LMNA: variants seen among roughly 807,000 people sequenced by gnomAD.
LMNA encodes lamin.
Under a neutral mutation model 70.4 loss-of-function variants are expected in LMNA, and 20 were observed. The observed-to-expected ratio is 0.28, with a 90% CI of 0.20 to 0.41. LMNA has a LOEUF of 0.41. LMNA is among the 10% of genes least tolerant of loss of function. The probability of loss-of-function intolerance (pLI) is 1.00; values close to 1 mark genes in which losing one functional copy is unlikely to be tolerated. For synonymous variants in LMNA, 339 were observed against 372.8 expected (o/e 0.91, Z 1.04); for missense variants, 652 against 917.2 (o/e 0.71, Z 3.73).
At chr1:156,097,393 T>C (rs1351601891) in intron 3 of LMNA, among the ~76,000 whole-genome samples, 2 of 152,248 alleles carry the variant, frequency 1.3e-5, no homozygotes, top group African/African-American at 2.4e-5. Context: ...TGCCAGCTAC[T>C]GGCAGGGAAA....
chr1:156,109,861 T>A (rs1267721870), upstream of LMNA: 3 of 151,648 alleles, frequency 2.0e-5, no homozygotes, highest in Non-Finnish European at 4.4e-5. Context: ...TATGTAATTT[T>A]TTTTTTGAGA....
At chr1:156,129,779 C>CG (rs1442653580) in intron 1 of LMNA, 1 of 718,410 alleles carries the variant, frequency 1.4e-6, no homozygotes, top group African/African-American at 1.7e-5. Context: ...GCAGAGGCAG[C>CG]GCTGTTCGAC....
At chr1:156,124,259 T>C (rs1454707646) in intron 1 of LMNA, among the ~76,000 whole-genome samples, 1 of 151,878 alleles carries the variant, frequency 6.6e-6, no homozygotes, top group Non-Finnish European at 1.5e-5. Context: ...TCTAAGTCCC[T>C]GGAACAGCTG....
intron 2 of LMNA, among the ~76,000 whole-genome samples, chr1:156,086,393 ACT>A (rs55740793): frequency 0.21 from 30,434 of 146,276 alleles, 2,910 homozygotes; most frequent in Non-Finnish European, 0.23. Flanking sequence ...GTGACCTCTG[ACT>A]CTCTCTCTCT....
chr1:156,091,933 T>G (rs1341238356), intron 3 of LMNA, among the ~76,000 whole-genome samples: 19 of 152,076 alleles, frequency 1.2e-4, no homozygotes, highest in Admixed American at 1.2e-3. Context: ...TTTTTTTTTT[T>G]TGAGATGGAG....
intron 1 of LMNA, among the ~76,000 whole-genome samples, chr1:156,117,475 T>C (rs931355672): frequency 6.6e-6 from 1 of 152,102 alleles, no homozygotes; most frequent in Admixed American, 6.6e-5. Flanking sequence ...CCTCAAGTGA[T>C]CTGCCTGCCT....
Position 156,115,036 on chromosome 1 carries a change from G to C in LMNA, c.118G>C (p.Asp40His). Residue 40 changes from aspartate to histidine, a missense_variant, in exon 1 of 12, where the codon GAT becomes CAT. By Grantham distance (81) the Asp-to-His change is moderately conservative. Coordinates refer to ENST00000368300, the MANE Select transcript of LMNA (RefSeq NM_170707.4). This position sits in a 1 kb window ranked among gnomAD's most constrained non-coding sequence, Gnocchi z 5.8. ...GAAGGAGGACCTGCAGGAGCTCAAT[G>C]ATCGCTTGGCGGTCTACATCGACCG... ...QEKEDLQELNDRLAVYIDRVR... is the reference protein window; with the variant it reads ...QEKEDLQELNHRLAVYIDRVR... The C allele has an allele frequency of 1.3e-6, 2 of 1,598,890 alleles. No homozygotes were observed. The highest frequency in any genetic ancestry group is 1.7e-6 in the Non-Finnish European group (2 of 1,172,914).
intron 1 of LMNA, among the ~76,000 whole-genome samples, chr1:156,121,609 G>A (rs1464971848): frequency 6.6e-6 from 1 of 152,000 alleles, no homozygotes; most frequent in Non-Finnish European, 1.5e-5. Flanking sequence ...GCCCAGGACA[G>A]CTGGATGGAC....
At chr1:156,092,725 ACCATCTTAGTTC>A (rs1648754170) in intron 3 of LMNA, among the ~76,000 whole-genome samples, 3 of 150,522 alleles carry the variant, frequency 2.0e-5, no homozygotes, top group African/African-American at 7.3e-5. Context: ...TGATAAAAGC[ACCATCTTAGTTC>A]CCCGTTGCCA....
At position 156,137,545 on chromosome 1, in the gene LMNA, C is replaced by T. The variant is rs1224619771; in HGVS notation, c.1609-109C>T. 1.2e-5 allele frequency: 13 copies of T among 1,040,026 alleles called. No individual in the cohort carries two copies. The highest frequency in any genetic ancestry group is 1.6e-5 in the African/African-American group (1 of 63,472). The allele number at this position is 1,040,026 out of a possible 1,614,324, so 64.4% of individuals were successfully genotyped here. ...ACAGAGGACAGAGTAAGCAGCAGGC[C>T]GGACAAAGGGCAGGCCACAAGAAAA... On this transcript the variant is annotated intron_variant, in intron 9 of 11. Transcript: ENST00000368300. This position sits in a 1 kb window ranked among gnomAD's most constrained non-coding sequence, Gnocchi z 4.6.
intron 2 of LMNA, among the ~76,000 whole-genome samples, chr1:156,089,577 G>A (rs1171552417): frequency 6.8e-6 from 1 of 145,986 alleles, no homozygotes; most frequent in African/African-American, 2.5e-5. Flanking sequence ...TGGGCAGCAA[G>A]AGCCAAACTC....
intron 3 of LMNA, among the ~76,000 whole-genome samples, chr1:156,094,220 C>T (rs1648821171): frequency 6.6e-6 from 1 of 152,186 alleles, no homozygotes; most frequent in African/African-American, 2.4e-5. Flanking sequence ...GTCACATGCT[C>T]CTGGCCAGGC....
At chr1:156,129,722 G>A in intron 1 of LMNA, 1 of 645,328 alleles carries the variant, frequency 1.5e-6, no homozygotes, top group Non-Finnish European at 2.9e-6. Flanking sequence ...TATTTCTCCA[G>A]TCCACTAGCA....
chr1:156,137,174 A>C lies in LMNA; in HGVS notation c.1550A>C (p.Gln517Pro). ...CCTACCGACCTGGTGTGGAAGGCAC[A>C]GAACACCTGGGGCTGCGGGAACAGC... is the stretch of plus-strand genomic sequence containing the variant. ...SPPTDLVWKAQNTWGCGNSLR... is the reference protein window; with the variant it reads ...SPPTDLVWKAPNTWGCGNSLR... The change falls in exon 9 of 12, where the codon CAG becomes CCG. Residue 517 changes from glutamine (Q) to proline (P), a missense_variant. This residue lies in a region of LMNA where 327 missense variants were observed against 387.6 expected (regional missense o/e 0.84). Transcript: ENST00000368300. The surrounding 1 kb of genome is among the most constrained non-coding windows in gnomAD (Gnocchi z 4.6). 1 of 1,611,436 alleles carries C rather than the reference A, an allele frequency of 6.2e-7. No homozygotes were observed. The highest frequency in any genetic ancestry group is 8.5e-7 in the Non-Finnish European group (1 of 1,178,998).
intron 3 of LMNA, among the ~76,000 whole-genome samples, chr1:156,106,190 A>G (rs1021430236): frequency 2.0e-5 from 3 of 151,962 alleles, no homozygotes; most frequent in Admixed American, 6.5e-5. Context: ...CGGCAAACCC[A>G]GGGCAATTGC....
intron 2 of LMNA, among the ~76,000 whole-genome samples, chr1:156,133,120 G>A (rs189540495): frequency 7.5e-4 from 113 of 151,466 alleles, no homozygotes; most frequent in Non-Finnish European, 1.3e-3. Context: ...GATTACAGGC[G>A]TGAGCCACCA....
At position 156,137,740 on chromosome 1, in the gene LMNA, C is replaced by T. The variant is rs778618908; in HGVS notation, c.1695C>T (p.His565=). 4 of 1,550,192 alleles carry T rather than the reference C, an allele frequency of 2.6e-6. No homozygotes were observed. The South Asian group carries it at 3.6e-5, about 14-fold the overall frequency. ...DEDGDDLLHH[H]HGSHCSSSGD... Reference sequence around the variant, plus strand: ...ATGGAGATGACCTGCTCCATCACCACCACGTGAGTGGTAGCCGCCGCTGAG... The same window carrying T: ...ATGGAGATGACCTGCTCCATCACCATCACGTGAGTGGTAGCCGCCGCTGAG... Residue 565 remains histidine (H), a synonymous_variant, in exon 10 of 12, where the codon CAC becomes CAT. Coordinates refer to ENST00000368300, the MANE Select transcript of LMNA (RefSeq NM_170707.4). The surrounding 1 kb of genome is among the most constrained non-coding windows in gnomAD (Gnocchi z 4.6).
chr1:156,089,101 C>T (rs1314776796), intron 2 of LMNA, among the ~76,000 whole-genome samples: 2 of 152,132 alleles, frequency 1.3e-5, no homozygotes, highest in African/African-American at 4.8e-5. Flanking sequence ...CCTCAGCTTC[C>T]TGAGTTGTTT....
Position 156,139,591 on chromosome 1 carries a change from G to C in LMNA, c.*485G>C, listed in dbSNP as rs1651941992. 5.3e-6 allele frequency: 7 copies of C among 1,314,524 alleles called. No individual in the cohort carries two copies. The allele number at this position is 1,314,524 out of a possible 1,614,324, so 81.4% of individuals were successfully genotyped here. ...CTGCCAGGCCAGCCTCCGAGAGGGA[G>C]AGAGAGAGAGAGAGGACAGCTTGAG... On this transcript the variant is annotated 3_prime_UTR_variant, in exon 12 of 12. Transcript: ENST00000368300.
Sources: gnomAD v4.1 joint callset for allele counts (sites outside exome capture counted in the v4.1 genomes callset) on GRCh38, gnomAD v4.1.1 for gene constraint, gnomAD v4.1.1 regional missense constraint, Gnocchi (gnomAD v3.1) non-coding constraint, MANE v1.5 for transcripts, NCBI Gene and HGNC (gene_info 2026-07-23, HGNC 2026-07-21) for gene names.